Variants in PLEKHA7 observed in about 807,000 individuals in gnomAD.
PLEKHA7 encodes pleckstrin homology domain containing A7.
PLEKHA7 carries 104 observed loss-of-function variants against 170.0 expected under a neutral mutation model. The observed-to-expected ratio is 0.61, with a 90% CI of 0.52 to 0.72. PLEKHA7 has a LOEUF of 0.72. Ranked by LOEUF, PLEKHA7 falls within the 30% of genes least tolerant of loss-of-function variation. The pLI is 0.00. For missense variants in PLEKHA7, 1,615 were observed against 1,671.7 expected (o/e 0.97, Z 0.59); for synonymous variants, 648 against 660.8 (o/e 0.98, Z 0.30).
At chr11:16,897,150 G>GTA (rs1253077285) in intron 3 of PLEKHA7, among the ~76,000 whole-genome samples, 4 of 152,204 alleles carry the variant, frequency 2.6e-5, no homozygotes, top group Admixed American at 6.5e-5. Context: ...TTTAACAGAA[G>GTA]AGGTTAAGTC....
intron 3 of PLEKHA7, among the ~76,000 whole-genome samples, chr11:16,962,403 T>C (rs536481830): frequency 6.6e-6 from 1 of 152,286 alleles, no homozygotes; most frequent in South Asian, 2.1e-4. Flanking sequence ...TGTGCAACAC[T>C]CACGACCCAA....
At chr11:16,802,836 G>C (rs1481481775) in intron 15 of PLEKHA7, 136 bp downstream of exon 15, 4 of 784,876 alleles carry the variant, frequency 5.1e-6, no homozygotes, top group African/African-American at 3.4e-5. Flanking sequence ...ATGAGCCACC[G>C]CACCTGGTGC....
intron 6 of PLEKHA7, among the ~76,000 whole-genome samples, chr11:16,853,330 T>C (rs1174479939): frequency 6.6e-6 from 1 of 152,240 alleles, no homozygotes; most frequent in Admixed American, 6.5e-5. Context: ...CTTACTAAAA[T>C]GCTAAAAGCA....
intron 8 of PLEKHA7, 65 bp downstream of exon 8, chr11:16,851,126 T>C (rs564838689): frequency 1.9e-5 from 25 of 1,318,126 alleles, no homozygotes; most frequent in African/African-American, 6.0e-5. Context: ...ACTGCTTTTA[T>C]GAAGACATTT....
intron 4 of PLEKHA7, among the ~76,000 whole-genome samples, chr11:16,870,092 G>A (rs1854707508): frequency 6.6e-6 from 1 of 152,176 alleles, no homozygotes; most frequent in African/African-American, 2.4e-5. Context: ...CAAGCCCTGG[G>A]TGGTAGAGCC....
At chr11:16,957,703 T>C (rs951176369) in intron 3 of PLEKHA7, among the ~76,000 whole-genome samples, 12 of 134,784 alleles carry the variant, frequency 8.9e-5, no homozygotes, top group South Asian at 2.7e-4. Context: ...TTTTCTTTTT[T>C]TTTTTTTTTT....
At chr11:16,826,883 G>A (rs1457404877) in intron 9 of PLEKHA7, among the ~76,000 whole-genome samples, 3 of 152,086 alleles carry the variant, frequency 2.0e-5, no homozygotes, top group Non-Finnish European at 4.4e-5. Context: ...TACTCATCTA[G>A]CTCCCAAATA....
intron 26 of PLEKHA7, chr11:16,781,086 T>G: frequency 2.3e-6 from 2 of 873,652 alleles, no homozygotes; most frequent in Non-Finnish European, 2.7e-6. Flanking sequence ...AGCGGTGTGT[T>G]AGACTCCTCA....
chr11:16,927,033 C>T (rs981945839), intron 3 of PLEKHA7, among the ~76,000 whole-genome samples: 15 of 118,898 alleles, frequency 1.3e-4, no homozygotes, highest in Middle Eastern at 3.9e-3. Flanking sequence ...TTGGGTCAGG[C>T]GTGGTAGCGC....
intron 10 of PLEKHA7, among the ~76,000 whole-genome samples, chr11:16,821,395 C>G (rs1281744746): frequency 6.6e-6 from 1 of 152,170 alleles, no homozygotes; most frequent in Non-Finnish European, 1.5e-5. Flanking sequence ...TCAAAACAAG[C>G]TCTTAAAATA....
intron 3 of PLEKHA7, among the ~76,000 whole-genome samples, chr11:17,007,871 G>C (rs1419555648): frequency 6.6e-6 from 1 of 152,130 alleles, no homozygotes; most frequent in Non-Finnish European, 1.5e-5. Flanking sequence ...CACCACGCCC[G>C]GCCTAAAGAT....
intron 17 of PLEKHA7, among the ~76,000 whole-genome samples, chr11:16,796,180 G>T (rs1439444786): frequency 3.3e-5 from 5 of 152,068 alleles, no homozygotes; most frequent in Admixed American, 2.6e-4. Flanking sequence ...TTTTTTGAAA[G>T]GCACTGTCCT....
At chr11:16,993,745 CA>C (rs1565189317) in intron 3 of PLEKHA7, among the ~76,000 whole-genome samples, 1 of 152,088 alleles carries the variant, frequency 6.6e-6, no homozygotes, top group East Asian at 1.9e-4. Flanking sequence ...GGACCTTTGG[CA>C]AGCCCTGTAT....
intron 3 of PLEKHA7, among the ~76,000 whole-genome samples, chr11:16,929,928 C>G (rs988461591): frequency 6.6e-6 from 1 of 151,954 alleles, no homozygotes; most frequent in Non-Finnish European, 1.5e-5. Flanking sequence ...CACTCGAACC[C>G]GGGAGGTGGA....
At chr11:16,910,658 C>T (rs1858181071) in intron 3 of PLEKHA7, among the ~76,000 whole-genome samples, 1 of 152,138 alleles carries the variant, frequency 6.6e-6, no homozygotes, top group South Asian at 2.1e-4. Flanking sequence ...TTGGTTGTCA[C>T]AACTGGGAAG....
chr11:16,983,743 A>G (rs912795808), intron 3 of PLEKHA7, among the ~76,000 whole-genome samples: 6 of 152,318 alleles, frequency 3.9e-5, no homozygotes, highest in African/African-American at 1.4e-4. Flanking sequence ...CTCATTCCCA[A>G]GTCCAATACT....
chr11:16,819,995 T>C (rs750581357), intron 10 of PLEKHA7, among the ~76,000 whole-genome samples: 1 of 152,248 alleles, frequency 6.6e-6, no homozygotes, highest in Non-Finnish European at 1.5e-5. Context: ...TGTCAATTGG[T>C]TTGATGTAAT....
Position 16,896,417 on chromosome 11 carries a change from A to C in PLEKHA7, c.222-25235T>G, listed in dbSNP as rs867526375. On this transcript the variant is annotated intron_variant, in intron 3 of 26. Transcript: ENST00000531066. ...ACAATGAAAAGCTGTCCCTCCCCAA[A>C]TGCCAAGAATCATAGCACCTAGAAA... is the stretch of plus-strand genomic sequence containing the variant. Among the ~76,000 whole-genome samples, 4 of 152,162 alleles carry C rather than the reference A, an allele frequency of 2.6e-5. No individual in the cohort carries two copies. The South Asian group carries it at 6.2e-4, about 24-fold the overall frequency.
At chr11:16,801,548 G>T in intron 16 of PLEKHA7, 120 bp downstream of exon 16, 1 of 1,255,314 alleles carries the variant, frequency 8.0e-7, no homozygotes, top group Non-Finnish European at 1.1e-6. Context: ...TACTGGAGAA[G>T]CTCTGCTATT....
Sources: gnomAD v4.1 joint callset for allele counts (sites outside exome capture counted in the v4.1 genomes callset) on GRCh38, gnomAD v4.1.1 for gene constraint, MANE v1.5 for transcripts, NCBI Gene and HGNC (gene_info 2026-07-23, HGNC 2026-07-21) for gene names.